CSMD3: variants seen among roughly 807,000 people sequenced by gnomAD.
CSMD3 encodes CUB and sushi domain-containing protein 3.
A neutral mutation model predicts 435.2 loss-of-function variants in CSMD3; 177 were observed. The observed-to-expected ratio is 0.41, with a 90% CI of 0.36 to 0.46. The LOEUF (loss-of-function observed/expected upper bound fraction) is 0.46. Among genes scored for constraint, CSMD3 ranks in the 20% least tolerant of loss-of-function variants. The pLI, the probability that CSMD3 is intolerant of heterozygous loss-of-function variation, is 0.34. For missense variants in CSMD3, 4,265 were observed against 4,504.6 expected (o/e 0.95, Z 1.52); for synonymous variants, 1,656 against 1,520.5 (o/e 1.09, Z -2.07).
At chr8:113,302,243 T>TAA (rs2093775557) in intron 2 of CSMD3, among the ~76,000 whole-genome samples, 1 of 139,992 alleles carries the variant, frequency 7.1e-6, no homozygotes, top group East Asian at 2.0e-4. Context: ...ATATATAATA[T>TAA]AATATATATT....
chr8:113,287,823 C>T (rs1027228110), intron 2 of CSMD3, among the ~76,000 whole-genome samples: 1 of 151,926 alleles, frequency 6.6e-6, no homozygotes, highest in Admixed American at 6.6e-5. Context: ...CTGGTATTTT[C>T]CTGCAATTCT....
intron 18 of CSMD3, 53 bp downstream of exon 18, chr8:112,656,101 C>T (rs1433361887): frequency 7.1e-6 from 7 of 984,488 alleles, no homozygotes; most frequent in Non-Finnish European, 1.1e-5. Flanking sequence ...TATAATAATA[C>T]AAAAAGTAGG....
chr8:112,494,516 T>C lies in CSMD3; in HGVS notation c.5084-1833A>G, dbSNP rs1272495178. Among the ~76,000 whole-genome samples, 172 of 122,022 alleles carry C rather than the reference T, an allele frequency of 1.4e-3. 5 individuals are homozygous for C. Among genetic ancestry groups the C allele is most frequent in the African/African-American group, 4.8e-3 (157 of 32,460 alleles). The allele number at this position is 122,022 out of a possible 152,430, so 80.1% of individuals were successfully genotyped here. On this transcript the variant is annotated intron_variant, in intron 30 of 70. Transcript: ENST00000297405. Reference sequence around the variant, plus strand: ...TCTCCTTTCTTTCTTTCTTTCTTTCTTTCTTTCTTTCTTTCTTTCTTTCTT... The same window carrying C: ...TCTCCTTTCTTTCTTTCTTTCTTTCCTTCTTTCTTTCTTTCTTTCTTTCTT...
chr8:113,069,718 C>T (rs534041041), intron 5 of CSMD3, among the ~76,000 whole-genome samples: 37 of 152,194 alleles, frequency 2.4e-4, no homozygotes, highest in Non-Finnish European at 4.3e-4. Flanking sequence ...TGCAATTTCT[C>T]GCCCTCTTGC....
intron 13 of CSMD3, among the ~76,000 whole-genome samples, chr8:112,764,632 A>T (rs987163597): frequency 6.6e-6 from 1 of 151,622 alleles, no homozygotes; most frequent in African/African-American, 2.4e-5. Context: ...ATGGTTTATG[A>T]AGAGTTTTTA....
At chr8:113,397,771 T>C (rs2094490457) in intron 1 of CSMD3, among the ~76,000 whole-genome samples, 1 of 151,612 alleles carries the variant, frequency 6.6e-6, no homozygotes, top group Admixed American at 6.6e-5. Flanking sequence ...TGAGCTGAGA[T>C]CACCCTACTG....
chr8:112,224,812 G>A lies in CSMD3; in HGVS notation c.11083C>T (p.Arg3695Ter), dbSNP rs769337797. ...NAKSVEGKAV[R>*]FDPNLNTVCT... ...ACCGTGTTCAAGTTGGGATCAAATC[G>A]TACCGCCTTCCCTTCCACTGACTTT... The change falls in exon 71 of 71, where the codon CGA becomes TGA. Residue 3695 changes from arginine (R) to a stop codon, truncating the protein, a stop_gained. Coordinates refer to ENST00000297405, the MANE Select transcript of CSMD3 (RefSeq NM_198123.2). LOFTEE classifies it high-confidence loss of function. The A allele has an allele frequency of 4.3e-6, 7 of 1,613,878 alleles. No homozygotes were observed. Among genetic ancestry groups the A allele is most frequent in the Admixed American group, 1.7e-5 (1 of 59,998 alleles).
chr8:112,415,986 G>A (rs1029719847), intron 32 of CSMD3, among the ~76,000 whole-genome samples: 7 of 152,158 alleles, frequency 4.6e-5, no homozygotes, highest in Admixed American at 1.3e-4. Context: ...CCTTGTTTCA[G>A]ATGAGACTTT....
At chr8:112,938,179 G>A (rs2083344182) in intron 9 of CSMD3, among the ~76,000 whole-genome samples, 6 of 152,158 alleles carry the variant, frequency 3.9e-5, no homozygotes. Context: ...ACATAAGGAT[G>A]AATTTTGCCA....
rs1200019610 is a variant in CSMD3 at position 112,265,593 on chromosome 8, G to C, written c.9509-3C>G. On this transcript the variant is annotated splice_polypyrimidine_tract_variant and splice_region_variant and intron_variant, in intron 59 of 70. Coordinates refer to ENST00000297405, the MANE Select transcript of CSMD3 (RefSeq NM_198123.2). ...ACCTGGGTCTCCACAACTGATTACT[G>C]TCAGTATTGGATTAGAAGAGCAGAT... 3.1e-6 allele frequency: 5 copies of C among 1,601,686 alleles called. No homozygotes were observed. The highest frequency in any genetic ancestry group is 1.3e-5 in the African/African-American group (1 of 74,618).
chr8:113,310,474 A>G (rs1168544971), intron 2 of CSMD3: 1 of 152,018 alleles, frequency 6.6e-6, no homozygotes, highest in Non-Finnish European at 1.5e-5. Flanking sequence ...GGAAATATTT[A>G]CATGTTTAAG....
chr8:113,257,533 T>C (rs1255693009), intron 3 of CSMD3, among the ~76,000 whole-genome samples: 1 of 152,212 alleles, frequency 6.6e-6, no homozygotes, highest in Non-Finnish European at 1.5e-5. Context: ...CTTTCCCTCA[T>C]CCCTTGTCTA....
At chr8:112,721,036 G>T (rs2076846368) in intron 13 of CSMD3, among the ~76,000 whole-genome samples, 1 of 151,946 alleles carries the variant, frequency 6.6e-6, no homozygotes, top group South Asian at 2.1e-4. Flanking sequence ...AGTAGAACAG[G>T]GTCTATCAAG....
chr8:112,333,506 A>G (rs1399122285), intron 45 of CSMD3, among the ~76,000 whole-genome samples: 1 of 152,092 alleles, frequency 6.6e-6, no homozygotes, highest in African/African-American at 2.4e-5. Flanking sequence ...TTTCTATCAC[A>G]CATGTCTCAA....
At chr8:113,411,078 A>C (rs1016797640) in intron 1 of CSMD3, among the ~76,000 whole-genome samples, 6 of 151,994 alleles carry the variant, frequency 3.9e-5, no homozygotes, top group African/African-American at 1.5e-4. Flanking sequence ...GAAGGATGGA[A>C]GGAAGGAAGA....
intron 24 of CSMD3, among the ~76,000 whole-genome samples, chr8:112,570,659 A>C (rs1229490817): frequency 6.6e-6 from 1 of 152,224 alleles, no homozygotes; most frequent in Non-Finnish European, 1.5e-5. Context: ...GATATGCAGA[A>C]GAATTGCCAC....
At chr8:112,248,417 T>C (rs1026113833) in intron 63 of CSMD3, among the ~76,000 whole-genome samples, 11 of 152,068 alleles carry the variant, frequency 7.2e-5, no homozygotes, top group African/African-American at 2.7e-4. Flanking sequence ...TGTACTAACT[T>C]GTGGCAGTAA....
At chr8:112,356,420 A>G (rs1205909647) in intron 38 of CSMD3, among the ~76,000 whole-genome samples, 1 of 152,114 alleles carries the variant, frequency 6.6e-6, no homozygotes, top group Non-Finnish European at 1.5e-5. Context: ...AAAACCAAAT[A>G]CCACATATTG....
At chr8:113,071,686 T>C (rs138910096) in intron 5 of CSMD3, among the ~76,000 whole-genome samples, 237 of 151,984 alleles carry the variant, frequency 1.6e-3, no homozygotes, top group African/African-American at 5.6e-3. Context: ...ATGGTAGTTA[T>C]ATTATTTTGA....
Sources: gnomAD v4.1 joint callset for allele counts (sites outside exome capture counted in the v4.1 genomes callset) on GRCh38, gnomAD v4.1.1 for gene constraint, MANE v1.5 for transcripts, NCBI Gene and HGNC (gene_info 2026-07-23, HGNC 2026-07-21) for gene names.